The following ABCA10 variants were observed in gnomAD, a reference collection of about 807,000 sequenced individuals.
The protein encoded by ABCA10 is ATP binding cassette subfamily A member 10.
In ABCA10, 169 loss-of-function variants were observed where a neutral mutation model predicts 187.5. That is an observed-to-expected ratio of 0.90 (90% confidence interval 0.80 to 1.02). The LOEUF (loss-of-function observed/expected upper bound fraction) is 1.02. Ranked by LOEUF, ABCA10 falls within the 50% of genes least tolerant of loss-of-function variation. ABCA10 has a pLI of 0.00. For synonymous variants in ABCA10, 574 were observed against 601.8 expected (o/e 0.95, Z 0.68); for missense variants, 1,727 against 1,812.4 (o/e 0.95, Z 0.86).
intron 10 of ABCA10, 60 bp downstream of exon 10, chr17:69,201,440 C>T: frequency 2.2e-6 from 3 of 1,343,990 alleles, no homozygotes; most frequent in Non-Finnish European, 3.0e-6. Flanking sequence ...ATTTGACCTG[C>T]AGCTTCATTT....
rs1302106979 is a variant in ABCA10 at position 69,190,399 on chromosome 17, ACTT to A, written c.2087_2089del (p.Glu696del). On this transcript the variant is annotated inframe_deletion, in exon 18 of 39. Coordinates refer to ENST00000690296, the MANE Select transcript of ABCA10 (RefSeq NM_001377321.1). ...TGATTTTCCTTCTAGGTTCAAGAAT[ACTT>A]CATTCAGAGATGTCACTGAAACAGC... 1.9e-6 allele frequency: 3 copies of A among 1,578,876 alleles called. No individual in the cohort carries two copies. Among genetic ancestry groups the A allele is most frequent in the Admixed American group, 2.0e-5 (1 of 51,102 alleles).
rs548560605 is a variant in ABCA10, at chr17:69,163,220, C to G, written c.3363+854G>C. 4.9e-3 allele frequency among the ~76,000 whole-genome samples: 739 copies of G among 152,208 alleles called. 3 individuals carry two copies. The highest frequency in any genetic ancestry group is 7.7e-3 in the Non-Finnish European group (524 of 67,998). On this transcript the variant is annotated intron_variant, in intron 27 of 38. Transcript: ENST00000690296. ...GTCCCATCTTGTCTAATGTTCTAAC[C>G]TTTTCTTCCACTGCAAAGGCAACCC...
chr17:69,214,694 A>C lies in ABCA10; in HGVS notation c.1006+10T>G. On this transcript the variant is annotated intron_variant, in intron 9 of 38. Transcript: ENST00000690296. ...CTTTAAATTTAACTTTAACCACACT[A>C]TTAACTTACCAGGTAAAACTCGCTC... 1 of 1,473,790 alleles carries C rather than the reference A, an allele frequency of 6.8e-7. No homozygotes were observed. Among genetic ancestry groups the C allele is most frequent in the Non-Finnish European group, 9.0e-7 (1 of 1,111,608 alleles). 91.3% of individuals were successfully genotyped at this position (1,473,790 alleles called of 1,614,324 possible). A position where few individuals can be genotyped will look rare whatever the true frequency, so the allele number is the denominator to read the frequency against.
At position 69,193,219 on chromosome 17, in the gene ABCA10, T is replaced by A; in HGVS notation, c.1671A>T (p.Gly557=). 1 of 1,613,776 alleles carries A rather than the reference T, an allele frequency of 6.2e-7. No homozygotes were observed. The highest frequency in any genetic ancestry group is 8.5e-7 in the Non-Finnish European group (1 of 1,179,918). ...CTCGGTGTCTTGAAAAGGGATCCAA[T>A]CCAGCAGTTGGTTCATCTAGCAGCA... ...QVLLLDEPTA[G]LDPFSRHRVW... The change falls in exon 15 of 39, where the codon GGA becomes GGT. Residue 557 remains glycine, a synonymous_variant. Transcript: ENST00000690296.
chr17:69,154,101 T>A (rs1469670722), intron 31 of ABCA10, 92 bp from the exon 32 acceptor site: 12 of 1,510,840 alleles, frequency 7.9e-6, no homozygotes, highest in Admixed American at 4.4e-5. Flanking sequence ...TAAGCTACAA[T>A]ATTTTTTGAA....
intron 2 of ABCA10, among the ~76,000 whole-genome samples, chr17:69,225,879 C>A (rs1188787348): frequency 6.6e-6 from 1 of 151,980 alleles, no homozygotes. Flanking sequence ...AGAATTGGAT[C>A]CTGCTTTTAG....
intron 10 of ABCA10, among the ~76,000 whole-genome samples, chr17:69,198,207 T>C (rs2074519940): frequency 1.3e-5 from 2 of 152,240 alleles, no homozygotes; most frequent in South Asian, 4.1e-4. Flanking sequence ...ACTACTTTTC[T>C]TGTGCCTTCT....
chr17:69,155,469 G>C (rs1264557728), intron 29 of ABCA10, among the ~76,000 whole-genome samples: 1 of 152,016 alleles, frequency 6.6e-6, no homozygotes, highest in African/African-American at 2.4e-5. Flanking sequence ...ATGCTATTCA[G>C]TTATTAATAT....
At chr17:69,229,115 G>C (rs560569145), upstream of ABCA10, among the ~76,000 whole-genome samples, 2 of 151,998 alleles carry the variant, frequency 1.3e-5, no homozygotes, top group Non-Finnish European at 2.9e-5. Context: ...CAGTTAAATG[G>C]TTCCTTGTAT....
At chr17:69,190,564 G>A in intron 17 of ABCA10, 87 bp from the exon 18 acceptor site, 2 of 1,234,464 alleles carry the variant, frequency 1.6e-6, no homozygotes, top group East Asian at 3.0e-5. Flanking sequence ...ACTCAAAATA[G>A]ATGTCTACAA....
chr17:69,152,008 T>C (rs1783861002), intron 36 of ABCA10, 35 bp downstream of exon 36: 2 of 1,594,474 alleles, frequency 1.3e-6, no homozygotes, highest in African/African-American at 1.4e-5. Context: ...TGGAAAACAC[T>C]CATACTTGTC....
intron 25 of ABCA10, among the ~76,000 whole-genome samples, chr17:69,171,128 C>T (rs780604037): frequency 2.6e-5 from 4 of 152,106 alleles, no homozygotes; most frequent in Non-Finnish European, 5.9e-5. Flanking sequence ...CAAGTATGAG[C>T]TCCTCTCCCC....
At chr17:69,153,729 A>C in intron 32 of ABCA10, 102 bp downstream of exon 32, 1 of 1,475,654 alleles carries the variant, frequency 6.8e-7, no homozygotes. Flanking sequence ...TATTTGCATG[A>C]AAATTTAAAG....
At chr17:69,175,566 A>G in intron 22 of ABCA10, 53 bp from the exon 23 acceptor site, 1 of 1,380,664 alleles carries the variant, frequency 7.2e-7, no homozygotes, top group Non-Finnish European at 1.0e-6. Context: ...AAATTATACA[A>G]ACATTATAAG....
rs2074150302 is a variant in ABCA10 at position 69,153,827 on chromosome 17, G to C, written c.3965+4C>G. ...GCTACAAATTGTGAGACTTCTCTCT[G>C]TACCGTGAAATACTGAGAGCAGCAT... On this transcript the variant is annotated splice_donor_region_variant and intron_variant, in intron 32 of 38. Transcript: ENST00000690296. 1.2e-6 allele frequency: 2 copies of C among 1,611,374 alleles called. No individual in the cohort carries two copies. Among genetic ancestry groups the C allele is most frequent in the African/African-American group, 1.3e-5 (1 of 74,940 alleles).
At chr17:69,193,419 T>C in intron 14 of ABCA10, 74 bp downstream of exon 14, 1 of 1,540,374 alleles carries the variant, frequency 6.5e-7, no homozygotes. Context: ...GTAATTACAG[T>C]AGAAGTTGGA....
chr17:69,173,702 A>G (rs964284361), intron 25 of ABCA10, among the ~76,000 whole-genome samples: 3 of 152,126 alleles, frequency 2.0e-5, no homozygotes, highest in African/African-American at 7.2e-5. Context: ...GACTGTTTTA[A>G]TGTTTGAAAT....
In ABCA10 at chr17:69,190,249, C is replaced by T. The variant is rs560000032; in HGVS notation, c.2131+109G>A. 2.5e-6 allele frequency: 3 copies of T among 1,204,338 alleles called. No homozygotes were observed. The South Asian group carries it at 5.5e-5, about 22-fold the overall frequency. The allele number at this position is 1,204,338 out of a possible 1,614,324, so 74.6% of individuals were successfully genotyped here. A position where few individuals can be genotyped will look rare whatever the true frequency, so the allele number is the denominator to read the frequency against. ...GGACAATGCTATTTTCTATCTAATG[C>T]ATATTATAGGTAGAAATCCACATAA... On this transcript the variant is annotated intron_variant, in intron 18 of 38. Transcript: ENST00000690296.
chr17:69,210,170 C>CTTTTTTT lies in ABCA10; in HGVS notation c.1006+4527_1006+4533dup, dbSNP rs1160992125. 1.5e-3 allele frequency among the ~76,000 whole-genome samples: 105 copies of CTTTTTTT among 70,872 alleles called. 11 individuals carry two copies. The highest frequency in any genetic ancestry group is 4.6e-3 in the African/African-American group (69 of 14,958). 46.5% of individuals were successfully genotyped at this position (70,872 alleles called of 152,430 possible). On this transcript the variant is annotated intron_variant, in intron 9 of 38. Transcript: ENST00000690296. ...TGGGTAAATTATTTAGTGGTTATTT[C>CTTTTTTT]TTTTTTTTTTTTTTTTTTTTTTTTT...
Sources: gnomAD v4.1 joint callset for allele counts (sites outside exome capture counted in the v4.1 genomes callset) on GRCh38, gnomAD v4.1.1 for gene constraint, MANE v1.5 for transcripts, NCBI Gene and HGNC (gene_info 2026-07-23, HGNC 2026-07-21) for gene names.